Variants in RB1 observed in about 807,000 individuals in gnomAD.
RB1 encodes the protein retinoblastoma-associated protein.
Under a neutral mutation model 135.4 loss-of-function variants are expected in RB1, and 18 were observed. The observed-to-expected ratio is 0.13, with a 90% CI of 0.09 to 0.20. The LOEUF (loss-of-function observed/expected upper bound fraction) is 0.20, where lower values mean the gene tolerates loss of function less well. Ranked by LOEUF, RB1 falls within the 10% of genes least tolerant of loss-of-function variation. The probability of loss-of-function intolerance (pLI) is 1.00; values close to 1 mark genes in which losing one functional copy is unlikely to be tolerated. For synonymous variants in RB1, 365 were observed against 373.2 expected (o/e 0.98, Z 0.25); for missense variants, 868 against 1,110.0 (o/e 0.78, Z 3.10).
chr13:48,303,957 T>C lies in RB1; in HGVS notation c.45T>C (p.Ala15=), dbSNP rs1593412047. Residue 15 remains alanine, a synonymous_variant, in exon 1 of 27, where the codon GCT becomes GCC. Transcript: ENST00000267163. ...TPRKTAATAA[A]AAAEPPAPPP... Reference sequence around the variant, plus strand: ...GAAAAACGGCCGCCACCGCCGCCGCTGCCGCCGCGGAACCCCCGGCACCGC... The same window carrying C: ...GAAAAACGGCCGCCACCGCCGCCGCCGCCGCCGCGGAACCCCCGGCACCGC... 1 of 1,503,296 alleles carries C rather than the reference T, an allele frequency of 6.7e-7. No homozygotes were observed. The highest frequency in any genetic ancestry group is 8.8e-7 in the Non-Finnish European group (1 of 1,136,160). The allele number at this position is 1,503,296 out of a possible 1,614,324, so 93.1% of individuals were successfully genotyped here.
chr13:48,307,284 G>A lies in RB1; in HGVS notation c.142G>A (p.Glu48Lys), dbSNP rs2138033820. 1 of 1,604,380 alleles carries A rather than the reference G, an allele frequency of 6.2e-7. No individual in the cohort carries two copies. Among genetic ancestry groups the A allele is most frequent in the Non-Finnish European group, 8.5e-7 (1 of 1,171,430 alleles). The change falls in exon 2 of 27, where the codon GAG (glutamate) becomes AAG (lysine). Residue 48 changes from glutamate (E) to lysine (K), a missense_variant. Coordinates refer to ENST00000267163, the MANE Select transcript of RB1 (RefSeq NM_000321.3). ...GPEDLPLVRL[E>K]FEETEEPDFT... ...ATGATTATTTTCATTTGGTAGGCTT[G>A]AGTTTGAAGAAACAGAAGAACCTGA... is the stretch of plus-strand genomic sequence containing the variant.
intron 23 of RB1, among the ~76,000 whole-genome samples, chr13:48,466,280 AC>A (rs1262168936): frequency 1.7e-5 from 1 of 57,162 alleles, no homozygotes. Flanking sequence ...ACTGGGAGGC[AC>A]CCCCCAGCAG....
At chr13:48,304,149 G>T in intron 1 of RB1, 100 bp downstream of exon 1, 2 of 1,263,796 alleles carry the variant, frequency 1.6e-6, no homozygotes, top group Non-Finnish European at 1.0e-6. Flanking sequence ...TCCTCGCCAG[G>T]GGCCGGGTCC....
intron 2 of RB1, chr13:48,318,387 A>T: frequency 6.7e-7 from 1 of 1,497,712 alleles, no homozygotes; most frequent in Non-Finnish European, 9.1e-7. Flanking sequence ...CTTGGACCTT[A>T]AGTCCTTGAT....
rs1224266949 is a variant in RB1, at chr13:48,381,228, T to A, written c.1499-19T>A. 1.4e-6 allele frequency: 2 copies of A among 1,449,110 alleles called. No individual in the cohort carries two copies. The highest frequency in any genetic ancestry group is 4.2e-5 in the Admixed American group (2 of 47,928). The allele number at this position is 1,449,110 out of a possible 1,614,324, so 89.8% of individuals were successfully genotyped here. A position where few individuals can be genotyped will look rare whatever the true frequency, so the allele number is the denominator to read the frequency against. Reference sequence around the variant, plus strand: ...GGGTTAATATTTCATAAATAGTTACTTTTTTTTTTCATTTTTAGGAAGTAC... The same window carrying A: ...GGGTTAATATTTCATAAATAGTTACATTTTTTTTTCATTTTTAGGAAGTAC... On this transcript the variant is annotated intron_variant, in intron 16 of 26. Coordinates refer to ENST00000267163, the MANE Select transcript of RB1 (RefSeq NM_000321.3).
intron 16 of RB1, 121 bp downstream of exon 16, chr13:48,380,362 C>T: frequency 1.3e-6 from 1 of 740,752 alleles, no homozygotes; most frequent in Non-Finnish European, 2.3e-6. Context: ...TATTTTAGAT[C>T]ACTATATACT....
At chr13:48,314,749 C>T (rs2006126) in intron 2 of RB1, among the ~76,000 whole-genome samples, 11,872 of 150,588 alleles carry the variant, frequency 0.079, 1,145 homozygotes, top group African/African-American at 0.22. Flanking sequence ...TGCAGTGAGC[C>T]GAAGTCGTGC....
intron 17 of RB1, among the ~76,000 whole-genome samples, chr13:48,386,351 A>C (rs1217331623): frequency 9.7e-6 from 1 of 102,954 alleles, no homozygotes; most frequent in African/African-American, 3.3e-5. Context: ...TCTAGACTAC[A>C]GACCTGTATG....
intron 7 of RB1, among the ~76,000 whole-genome samples, chr13:48,361,044 A>C (rs1023995448): frequency 1.3e-5 from 2 of 151,520 alleles, no homozygotes; most frequent in Non-Finnish European, 2.9e-5. Context: ...CAGAGAAGGC[A>C]GAAACCTTCA....
intron 16 of RB1, 108 bp downstream of exon 16, chr13:48,380,349 G>T: frequency 1.2e-6 from 1 of 826,748 alleles, no homozygotes. Flanking sequence ...GAGAAGGAAT[G>T]CTTATTTTAG....
intron 8 of RB1, among the ~76,000 whole-genome samples, chr13:48,364,028 T>C (rs944312535): frequency 6.6e-6 from 1 of 152,304 alleles, no homozygotes; most frequent in Non-Finnish European, 1.5e-5. Context: ...GGTCCTAAAA[T>C]CTAGTTTAAG....
rs117775951 is a variant in RB1 at position 48,377,467 on chromosome 13, T to C, written c.1332+433T>C. 4.7e-3 allele frequency among the ~76,000 whole-genome samples: 714 copies of C among 152,268 alleles called. 2 individuals carry two copies. Among genetic ancestry groups the C allele is most frequent in the Middle Eastern group, 6.8e-3 (2 of 294 alleles). ...ATATAATAGGTAAGAGTATGGGCCA[T>C]GGAGTGACAGCCCTGGGTTTATATT... On this transcript the variant is annotated intron_variant, in intron 13 of 26. Transcript: ENST00000267163.
At chr13:48,436,815 A>G (rs1449433546) in intron 17 of RB1, among the ~76,000 whole-genome samples, 2 of 152,216 alleles carry the variant, frequency 1.3e-5, no homozygotes, top group Non-Finnish European at 2.9e-5. Context: ...GAGGCAAAAC[A>G]GTCTTAGAAT....
At chr13:48,363,536 G>A (rs1368041387) in intron 8 of RB1, among the ~76,000 whole-genome samples, 2 of 152,072 alleles carry the variant, frequency 1.3e-5, no homozygotes, top group African/African-American at 4.8e-5. Context: ...CAGCCCGGGC[G>A]CCAGAGTGAG....
intron 17 of RB1, among the ~76,000 whole-genome samples, chr13:48,395,934 AT>A (rs1227691729): frequency 6.6e-6 from 1 of 152,178 alleles, no homozygotes; most frequent in Non-Finnish European, 1.5e-5. Context: ...TAATCGTCAG[AT>A]TCACCAAGGT....
At chr13:48,379,982 A>AT in intron 14 of RB1, 71 bp from the exon 15 acceptor site, 1 of 980,704 alleles carries the variant, frequency 1.0e-6, no homozygotes, top group Non-Finnish European at 1.4e-6. Flanking sequence ...AAAAAAAAAA[A>AT]ATTCAATGCT....
At chr13:48,455,487 G>A (rs1949354267) in intron 18 of RB1, among the ~76,000 whole-genome samples, 1 of 152,164 alleles carries the variant, frequency 6.6e-6, no homozygotes, top group Admixed American at 6.5e-5. Context: ...TAGTGTACTG[G>A]TTAATATACT....
chr13:48,418,072 A>C (rs1309633831), intron 17 of RB1, among the ~76,000 whole-genome samples: 1 of 152,222 alleles, frequency 6.6e-6, no homozygotes, highest in African/African-American at 2.4e-5. Context: ...CCCAAGACAC[A>C]TAATCGTCAG....
chr13:48,345,035 T>C, intron 3 of RB1, 45 bp from the exon 4 acceptor site: 2 of 1,585,366 alleles, frequency 1.3e-6, no homozygotes, highest in South Asian at 1.1e-5. Context: ...ATAACACAAA[T>C]TTTTAAGGTT....
Sources: gnomAD v4.1 joint callset for allele counts (sites outside exome capture counted in the v4.1 genomes callset) on GRCh38, gnomAD v4.1.1 for gene constraint, MANE v1.5 for transcripts, NCBI Gene and HGNC (gene_info 2026-07-23, HGNC 2026-07-21) for gene names.